Variants in RGS12 observed in about 807,000 individuals in gnomAD.
The protein encoded by RGS12 is regulator of G protein signaling 12.
Under a neutral mutation model 120.1 loss-of-function variants are expected in RGS12, and 66 were observed. The observed-to-expected ratio is 0.55, with a 90% CI of 0.45 to 0.67. RGS12 has a LOEUF of 0.67. Ranked by LOEUF, RGS12 falls within the 30% of genes least tolerant of loss-of-function variation. The pLI is 0.00. For missense variants in RGS12, 1,859 were observed against 1,957.7 expected (o/e 0.95, Z 0.95); for synonymous variants, 827 against 804.7 (o/e 1.03, Z -0.47).
At chr4:3,304,318 C>T (rs1175890103) in intron 1 of RGS12, among the ~76,000 whole-genome samples, 3 of 152,212 alleles carry the variant, frequency 2.0e-5, no homozygotes, top group Non-Finnish European at 4.4e-5. Context: ...ATGTTGGTGG[C>T]TGCTGACCTG....
rs1327836817 is a variant in RGS12 at position 3,414,187 on chromosome 4, G to A, written c.2136G>A (p.Trp712Ter). 2 of 1,551,802 alleles carry A rather than the reference G, an allele frequency of 1.3e-6. No homozygotes were observed. The highest frequency in any genetic ancestry group is 2.4e-5 in the East Asian group (1 of 41,684). Residue 712 changes from tryptophan (W) to a stop codon, truncating the protein, a stop_gained, in exon 5 of 18, where the codon TGG becomes TGA. Transcript: ENST00000336727. LOFTEE classifies it high-confidence loss of function. ...TGCGTGAGAGGAGGGTCGCCAGCTG[G>A]GCCGTGTCCTTTGAGCGCCTGCTGC... ...RRLRERRVAS[W>*]AVSFERLLQD...
chr4:3,421,057 CAGA>C (rs1722970575), intron 10 of RGS12, among the ~76,000 whole-genome samples: 1 of 152,234 alleles, frequency 6.6e-6, no homozygotes. Context: ...TAAGAATCAA[CAGA>C]AGGTGTCGAA....
chr4:3,302,661 G>A (rs763176149), intron 1 of RGS12, among the ~76,000 whole-genome samples: 4 of 152,228 alleles, frequency 2.6e-5, no homozygotes, highest in African/African-American at 4.8e-5. Context: ...GTGGGGTGAC[G>A]TCTCTGTGCA....
chr4:3,311,510 T>C (rs1259097440), intron 1 of RGS12, among the ~76,000 whole-genome samples: 1 of 152,044 alleles, frequency 6.6e-6, no homozygotes, highest in Non-Finnish European at 1.5e-5. Context: ...AGTGAAGGAG[T>C]GACAGTGCGG....
intron 4 of RGS12, among the ~76,000 whole-genome samples, chr4:3,386,976 G>A (rs780253306): frequency 2.6e-5 from 4 of 152,174 alleles, no homozygotes; most frequent in Admixed American, 6.5e-5. Context: ...AAAGGAAGTA[G>A]GCAGGAATGT....
chr4:3,377,202 G>T (rs1717797397), intron 3 of RGS12, among the ~76,000 whole-genome samples: 1 of 151,996 alleles, frequency 6.6e-6, no homozygotes, highest in African/African-American at 2.4e-5. Context: ...CCCCCAAGTA[G>T]CTGGAGCTAT....
intron 2 of RGS12, among the ~76,000 whole-genome samples, chr4:3,337,071 C>T (rs1474796534): frequency 2.0e-5 from 3 of 152,118 alleles, no homozygotes; most frequent in Non-Finnish European, 4.4e-5. Flanking sequence ...AAAGAAGATA[C>T]ACAAGTAGTC....
chr4:3,424,495 G>T (rs1414387681), intron 13 of RGS12, among the ~76,000 whole-genome samples: 1 of 152,222 alleles, frequency 6.6e-6, no homozygotes, highest in Admixed American at 6.5e-5. Flanking sequence ...TCCCAGGTGT[G>T]CCCCTCTGGC....
intron 1 of RGS12, among the ~76,000 whole-genome samples, chr4:3,295,763 A>C (rs1312343158): frequency 6.6e-6 from 1 of 152,162 alleles, no homozygotes; most frequent in African/African-American, 2.4e-5. Context: ...ATTAGTTACG[A>C]CTTAACACAT....
upstream of RGS12, among the ~76,000 whole-genome samples, chr4:3,288,558 G>C (rs1422731163): frequency 1.3e-5 from 2 of 152,208 alleles, no homozygotes; most frequent in African/African-American, 4.8e-5. This position sits in a 1 kb window ranked among gnomAD's most constrained non-coding sequence, Gnocchi z 5.2. Context: ...GAGGACAGAT[G>C]GGGTTTGGGT....
chr4:3,347,723 A>G (rs376305230), intron 3 of RGS12, among the ~76,000 whole-genome samples: 1 of 152,338 alleles, frequency 6.6e-6, no homozygotes, highest in East Asian at 1.9e-4. Flanking sequence ...TCTGATTGCA[A>G]ATGCTTTTAG....
chr4:3,290,230 C>T (rs115824921), upstream of RGS12, among the ~76,000 whole-genome samples: 156 of 152,276 alleles, frequency 1.0e-3, 1 homozygote, highest in African/African-American at 3.6e-3. Context: ...AACCTCCATA[C>T]TCTTTTCCAT....
At chr4:3,383,336 G>A (rs974891399) in intron 3 of RGS12, among the ~76,000 whole-genome samples, 13 of 152,224 alleles carry the variant, frequency 8.5e-5, no homozygotes, top group African/African-American at 3.1e-4. Flanking sequence ...GTGGGGCATG[G>A]AGGCTCACAC....
intron 1 of RGS12, among the ~76,000 whole-genome samples, chr4:3,306,097 T>C (rs1387543321): frequency 6.6e-6 from 1 of 152,246 alleles, no homozygotes; most frequent in African/African-American, 2.4e-5. Context: ...GGGTGAGGAC[T>C]AATGCCCATA....
At chr4:3,362,268 G>A (rs1369995879) in intron 3 of RGS12, among the ~76,000 whole-genome samples, 1 of 152,188 alleles carries the variant, frequency 6.6e-6, no homozygotes, top group Non-Finnish European at 1.5e-5. Flanking sequence ...GACCTCCTGC[G>A]AGTGCCAGGT....
intron 4 of RGS12, among the ~76,000 whole-genome samples, chr4:3,403,184 G>C (rs895880747): frequency 2.0e-5 from 3 of 152,248 alleles, no homozygotes; most frequent in Non-Finnish European, 4.4e-5. Context: ...CAGACGTAGA[G>C]AGTTTGTTTT....
rs557847260 is a variant in RGS12 at position 3,366,529 on chromosome 4, C to G, written c.1999-19887C>G. Reference sequence around the variant, plus strand: ...CCCTCCTAGCTGAGAGTGAGGTGGTCCGGCCCCGTGAAGGAGGCAGCAGGG... The same window carrying G: ...CCCTCCTAGCTGAGAGTGAGGTGGTGCGGCCCCGTGAAGGAGGCAGCAGGG... On this transcript the variant is annotated intron_variant, in intron 3 of 17. Transcript: ENST00000336727. This position sits in a 1 kb window ranked among gnomAD's most constrained non-coding sequence, Gnocchi z 4.0. 2.0e-5 allele frequency among the ~76,000 whole-genome samples: 3 copies of G among 152,282 alleles called. No homozygotes were observed. The South Asian group carries it at 6.2e-4, about 32-fold the overall frequency.
At chr4:3,391,721 C>G (rs28485924) in intron 4 of RGS12, among the ~76,000 whole-genome samples, 6 of 141,796 alleles carry the variant, frequency 4.2e-5, no homozygotes, top group African/African-American at 1.5e-4. Flanking sequence ...GGCTGCCTGG[C>G]GTGTTTGGGG....
intron 10 of RGS12, among the ~76,000 whole-genome samples, chr4:3,421,092 C>T (rs1273180036): frequency 1.3e-5 from 2 of 152,196 alleles, no homozygotes; most frequent in East Asian, 1.9e-4. Flanking sequence ...CCTGTCTCAG[C>T]GCGTGAGCAT....
Sources: allele counts gnomAD v4.1 joint callset (sites outside exome capture counted in the v4.1 genomes callset), GRCh38; gene constraint gnomAD v4.1.1; non-coding constraint Gnocchi (gnomAD v3.1); transcripts MANE v1.5; gene names NCBI Gene and HGNC (gene_info 2026-07-23, HGNC 2026-07-21).